Variants in ATR observed in about 807,000 individuals in gnomAD.
ATR encodes the protein serine/threonine-protein kinase ATR.
Under a neutral mutation model 305.3 loss-of-function variants are expected in ATR, and 142 were observed. That is an observed-to-expected ratio of 0.47 (90% CI 0.41 to 0.53). The LOEUF is 0.53. ATR is among the 20% of genes least tolerant of loss of function. The probability of loss-of-function intolerance (pLI) is 0.00; values close to 1 mark genes in which losing one functional copy is unlikely to be tolerated. For missense variants in ATR, 2,135 were observed against 3,133.1 expected (o/e 0.68, Z 7.60); for synonymous variants, 1,050 against 1,068.1 (o/e 0.98, Z 0.33).
chr3:142,462,719 C>T (rs1282299342), intron 41 of ATR, among the ~76,000 whole-genome samples: 5 of 152,156 alleles, frequency 3.3e-5, no homozygotes, highest in South Asian at 2.1e-4. Context: ...CCGCCTGCCT[C>T]GGCCTCCCAA....
intron 38 of ATR, 51 bp downstream of exon 38, chr3:142,469,286 T>C: frequency 6.8e-7 from 1 of 1,475,112 alleles, no homozygotes. Flanking sequence ...ATCAAGTTCA[T>C]ATAAAATGGT....
chr3:142,482,796 C>A (rs1273255327), intron 36 of ATR, among the ~76,000 whole-genome samples: 1 of 150,706 alleles, frequency 6.6e-6, no homozygotes, highest in Non-Finnish European at 1.5e-5. Flanking sequence ...GATTGTACTG[C>A]ACTCCTGCCT....
In ATR at chr3:142,553,354, A is replaced by G. The variant is rs2034545465; in HGVS notation, c.2678T>C (p.Leu893Ser). Reference protein sequence around the residue: ...DLVPFALLHLLHCLLSKSASV... With the variant: ...DLVPFALLHLSHCLLSKSASV... ...TGCTGACTTGGATAACAAACAATGC[A>G]ATAAGTGTAAGAGTGCAAATGGTAC... is the stretch of plus-strand genomic sequence containing the variant. The change falls in exon 13 of 47, where the codon TTG becomes TCG. Residue 893 changes from leucine (L) to serine (S), a missense_variant. Physicochemically the swap from Leu to Ser is moderately radical, Grantham distance 145. Coordinates refer to ENST00000350721, the MANE Select transcript of ATR (RefSeq NM_001184.4). 1 of 1,614,006 alleles carries G rather than the reference A, an allele frequency of 6.2e-7. No homozygotes were observed. Among genetic ancestry groups the G allele is most frequent in the Non-Finnish European group, 8.5e-7 (1 of 1,179,990 alleles).
At chr3:142,452,673 CA>C in intron 46 of ATR, 1 of 1,034,094 alleles carries the variant, frequency 9.7e-7, no homozygotes, top group Non-Finnish European at 1.2e-6. Context: ...GACTCTGTCT[CA>C]AAAACAACAA....
chr3:142,453,129 T>A lies in ATR; in HGVS notation c.7760A>T (p.Lys2587Met), dbSNP rs1408393470. 6 of 1,614,032 alleles carry A rather than the reference T, an allele frequency of 3.7e-6. No homozygotes were observed. The highest frequency in any genetic ancestry group is 5.1e-6 in the Non-Finnish European group (6 of 1,179,970). ...LNETGEVVNE[K>M]AKTHVLDIEQ... ...TATCAAGCTATACCTTCTACTAACC[T>A]TTTCATTGACAACTTCTCCAGTTTC... Residue 2587 changes from lysine to methionine, a missense_variant and splice_region_variant, in exon 46 of 47, where the codon AAG becomes ATG. Coordinates refer to ENST00000350721, the MANE Select transcript of ATR (RefSeq NM_001184.4).
At chr3:142,488,282 G>C (rs2031074416) in intron 35 of ATR, among the ~76,000 whole-genome samples, 1 of 152,154 alleles carries the variant, frequency 6.6e-6, no homozygotes, top group African/African-American at 2.4e-5. Flanking sequence ...TGCTCCTTCA[G>C]GTCTAGAGTT....
At chr3:142,459,203 C>T (rs779016953) in intron 43 of ATR, 24 bp downstream of exon 43, 12 of 1,613,668 alleles carry the variant, frequency 7.4e-6, no homozygotes, top group Non-Finnish European at 9.3e-6. Flanking sequence ...ACCATAACAA[C>T]GTATTATATT....
chr3:142,534,724 T>C (rs1327509184), intron 21 of ATR, among the ~76,000 whole-genome samples: 2 of 152,170 alleles, frequency 1.3e-5, no homozygotes, highest in Admixed American at 6.5e-5. Context: ...AAATGTACAA[T>C]AGTAAAATTG....
At position 142,512,217 on chromosome 3, in the gene ATR, AG is replaced by A. The variant is rs1293934633; in HGVS notation, c.4852+42del. 132 of 1,323,442 alleles carry A rather than the reference AG, an allele frequency of 1.0e-4. No individual in the cohort carries two copies. In the South Asian group the frequency reaches 1.5e-3, roughly 15 times the overall value. 82.0% of individuals were successfully genotyped at this position (1,323,442 alleles called of 1,614,324 possible). ...TAAAGGGAAGAGCTAATTGGTGAAT[AG>A]CTAAAAAAAAAAAAAAAAAAGAAAC... On this transcript the variant is annotated intron_variant, in intron 27 of 46. Transcript: ENST00000350721.
Position 142,481,214 on chromosome 3 carries a change from C to T in ATR, c.6221+3926G>A, listed in dbSNP as rs547775289. 6.8e-4 allele frequency among the ~76,000 whole-genome samples: 103 copies of T among 152,294 alleles called. No individual in the cohort carries two copies. In the Middle Eastern group the frequency reaches 0.01, roughly 15 times the overall value. On this transcript the variant is annotated intron_variant, in intron 36 of 46. Coordinates refer to ENST00000350721, the MANE Select transcript of ATR (RefSeq NM_001184.4). The stretch of plus-strand genomic sequence containing the variant: ...GCTGTAGACTGGAGCTGTTCCTATT[C>T]GGCCATCTTGGAACCGCCCCTCTGA...
rs2108261530 is a variant in ATR at position 142,459,277 on chromosome 3, A to G, written c.7299T>C (p.Pro2433=). Residue 2433 remains proline, a synonymous_variant, in exon 43 of 47, where the codon CCT becomes CCC. Coordinates refer to ENST00000350721, the MANE Select transcript of ATR (RefSeq NM_001184.4). ...VFREFLLPRH[P]PIFHEWFLRT... ...TCAGAAACCACTCATGAAAAATAGGAGGATGCCTGGGCAGGAGAAATTCTC... is the reference window on the plus strand; with the variant it reads ...TCAGAAACCACTCATGAAAAATAGGGGGATGCCTGGGCAGGAGAAATTCTC... The G allele has an allele frequency of 6.2e-7, 1 of 1,614,022 alleles. No individual in the cohort carries two copies. The highest frequency in any genetic ancestry group is 8.5e-7 in the Non-Finnish European group (1 of 1,179,886).
Position 142,505,393 on chromosome 3 carries a change from C to A in ATR, c.5032-90G>T, listed in dbSNP as rs757219961. 7.4e-6 allele frequency: 11 copies of A among 1,493,394 alleles called. No individual in the cohort carries two copies. The East Asian group carries it at 2.0e-4, about 28-fold the overall frequency. 92.5% of individuals were successfully genotyped at this position (1,493,394 alleles called of 1,614,324 possible). On this transcript the variant is annotated intron_variant, in intron 28 of 46. Transcript: ENST00000350721. ...AAACCACCTGTTTATATTGAAACAG[C>A]AATTTTTTGAGAAATTTTTCCTCAA...
chr3:142,451,236 T>G (rs191219618), intron 46 of ATR: 1 of 1,193,400 alleles, frequency 8.4e-7, no homozygotes, highest in Non-Finnish European at 1.1e-6. Context: ...CAGATGCAGG[T>G]GTGCAAGCTC....
chr3:142,485,283 C>T lies in ATR; in HGVS notation c.6079-1G>A. On this transcript the variant is annotated splice_acceptor_variant, in intron 35 of 46. Coordinates refer to ENST00000350721, the MANE Select transcript of ATR (RefSeq NM_001184.4). LOFTEE classifies it high-confidence loss of function. ...ATTCTGGCAGGCACGCGGTCACATC[C>T]TATAAAAAAGAACATAGGATACCTA... The T allele has an allele frequency of 6.2e-7, 1 of 1,613,950 alleles. No individual in the cohort carries two copies. Among genetic ancestry groups the T allele is most frequent in the Non-Finnish European group, 8.5e-7 (1 of 1,179,926 alleles).
In ATR at chr3:142,558,516, C is replaced by T. The variant is rs535636518; in HGVS notation, c.1885+108G>A. On this transcript the variant is annotated intron_variant, in intron 8 of 46. Transcript: ENST00000350721. ...CAGCATGGGCGACAGAGTAAGACTCCGTCTCAAAAATAAATAAATAAATAA... is the reference window on the plus strand; with the variant it reads ...CAGCATGGGCGACAGAGTAAGACTCTGTCTCAAAAATAAATAAATAAATAA... The T allele has an allele frequency of 1.1e-3, 1,016 of 890,566 alleles. 16 individuals are homozygous for T. In the African/African-American group the frequency reaches 0.015, roughly 13 times the overall value. 55.2% of individuals were successfully genotyped at this position (890,566 alleles called of 1,614,324 possible). A position where few individuals can be genotyped will look rare whatever the true frequency, so the allele number is the denominator to read the frequency against.
chr3:142,496,520 T>G lies in ATR; in HGVS notation c.5739A>C (p.Arg1913Ser). Residue 1913 changes from arginine (R) to serine (S), a missense_variant and splice_region_variant, in exon 34 of 47, where the codon AGA becomes AGC. Arg to Ser is a moderately radical substitution (Grantham distance 110). This residue lies in a region of ATR where 30 missense variants were observed against 26.7 expected (regional missense o/e 1.12). Transcript: ENST00000350721. ...CTCCAACCATTTCATTGTAATCTGG[T>G]CTAAAGGAAGTAACAACACATTGGT... Reference protein sequence around the residue: ...LRRALLSLNKRPDYNEMVGEC... With the variant: ...LRRALLSLNKSPDYNEMVGEC... 1 of 1,608,860 alleles carries G rather than the reference T, an allele frequency of 6.2e-7. No individual in the cohort carries two copies. Among genetic ancestry groups the G allele is most frequent in the Non-Finnish European group, 8.5e-7 (1 of 1,177,338 alleles).
chr3:142,526,796 T>G (rs1287856229), intron 21 of ATR, among the ~76,000 whole-genome samples: 1 of 151,324 alleles, frequency 6.6e-6, no homozygotes, highest in Non-Finnish European at 1.5e-5. Context: ...TGTTTTTGTT[T>G]TTTTTTTTTT....
At chr3:142,543,157 A>G (rs2034118413) in intron 16 of ATR, among the ~76,000 whole-genome samples, 4 of 152,174 alleles carry the variant, frequency 2.6e-5, no homozygotes, top group Non-Finnish European at 5.9e-5. Context: ...ATTTAGAGCT[A>G]TGGTAGAAAA....
At chr3:142,449,696 A>G in intron 46 of ATR, 94 bp from the exon 47 acceptor site, 1 of 1,327,828 alleles carries the variant, frequency 7.5e-7, no homozygotes, top group East Asian at 2.5e-5. Flanking sequence ...TGTTAATACC[A>G]TTTTACTGAC....
Sources: gnomAD v4.1 joint callset for allele counts (sites outside exome capture counted in the v4.1 genomes callset) on GRCh38, gnomAD v4.1.1 for gene constraint, gnomAD v4.1.1 regional missense constraint, MANE v1.5 for transcripts, NCBI Gene and HGNC (gene_info 2026-07-23, HGNC 2026-07-21) for gene names.